The following LAMA2 variants were observed in gnomAD, a reference collection of about 807,000 sequenced individuals.
The protein encoded by LAMA2 is laminin subunit alpha 2.
Under a neutral mutation model 364.8 loss-of-function variants are expected in LAMA2, and 269 were observed. The ratio of observed to expected loss-of-function variants is 0.74; its 90% confidence interval spans 0.67 to 0.82. The LOEUF is 0.82. LAMA2 is among the 40% of genes least tolerant of loss of function. The pLI, the probability that LAMA2 is intolerant of heterozygous loss-of-function variation, is 0.00. For missense variants in LAMA2, 3,807 were observed against 3,873.2 expected (o/e 0.98, Z 0.45); for synonymous variants, 1,379 against 1,370.6 (o/e 1.01, Z -0.14).
intron 1 of LAMA2, among the ~76,000 whole-genome samples, chr6:129,031,388 G>C (rs1786208696): frequency 6.6e-6 from 1 of 152,100 alleles, no homozygotes; most frequent in African/African-American, 2.4e-5. Flanking sequence ...AGAAATTCCA[G>C]AAGCTGGGGG....
Position 129,005,915 on chromosome 6 carries a change from G to A in LAMA2, c.113-44003G>A, listed in dbSNP as rs372789002. ...CTACCTATAAACTTCAGCATTTTTTGTTTGGGTAATTAATATTTTGAAGTT... is the reference window on the plus strand; with the variant it reads ...CTACCTATAAACTTCAGCATTTTTTATTTGGGTAATTAATATTTTGAAGTT... On this transcript the variant is annotated intron_variant, in intron 1 of 64. Transcript: ENST00000421865. Among the ~76,000 whole-genome samples, 6 of 151,168 alleles carry A rather than the reference G, an allele frequency of 4.0e-5. No homozygotes were observed. In the East Asian group the frequency reaches 5.8e-4, roughly 15 times the overall value.
chr6:129,275,688 G>A (rs543917647), intron 17 of LAMA2, among the ~76,000 whole-genome samples: 41 of 145,792 alleles, frequency 2.8e-4, no homozygotes, highest in African/African-American at 8.7e-4. Flanking sequence ...TACCTTTCAC[G>A]TTAAATCAAC....
intron 12 of LAMA2, among the ~76,000 whole-genome samples, chr6:129,201,705 A>G (rs1449347076): frequency 6.6e-6 from 1 of 152,202 alleles, no homozygotes; most frequent in Non-Finnish European, 1.5e-5. Flanking sequence ...TCAACAATGT[A>G]AAATTCATGA....
At chr6:129,169,699 C>T (rs1221059816) in intron 9 of LAMA2, among the ~76,000 whole-genome samples, 4 of 138,230 alleles carry the variant, frequency 2.9e-5, no homozygotes, top group Admixed American at 1.4e-4. Context: ...GGAGGATTCC[C>T]TCTTTTTCTA....
At chr6:129,490,587 A>G (rs1784810912) in intron 56 of LAMA2, 1 of 152,210 alleles carries the variant, frequency 6.6e-6, no homozygotes, top group African/African-American at 2.4e-5. Context: ...GCCCTGTGAT[A>G]TCATGTTGCT....
chr6:129,103,689 A>G (rs1376131221), intron 4 of LAMA2, among the ~76,000 whole-genome samples: 1 of 152,184 alleles, frequency 6.6e-6, no homozygotes. Flanking sequence ...CCAATACTAC[A>G]GAGGAAACAG....
chr6:129,151,319 T>C (rs779755619), intron 7 of LAMA2, among the ~76,000 whole-genome samples: 2 of 152,222 alleles, frequency 1.3e-5, no homozygotes, highest in Non-Finnish European at 2.9e-5. Flanking sequence ...TATGTTACTT[T>C]ATGTTTTCCT....
At chr6:129,244,833 C>T (rs758299263) in intron 12 of LAMA2, among the ~76,000 whole-genome samples, 14 of 152,136 alleles carry the variant, frequency 9.2e-5, no homozygotes, top group Non-Finnish European at 1.9e-4. Flanking sequence ...GGAAAACTTT[C>T]CTGCCTCATT....
At chr6:129,400,091 G>C (rs1779883670) in intron 37 of LAMA2, among the ~76,000 whole-genome samples, 2 of 152,196 alleles carry the variant, frequency 1.3e-5, no homozygotes, top group Admixed American at 1.3e-4. Context: ...GGCAGATTTG[G>C]TGTCTGATGA....
intron 40 of LAMA2, among the ~76,000 whole-genome samples, chr6:129,422,453 TCATC>T (rs1453141128): frequency 6.6e-6 from 1 of 152,078 alleles, no homozygotes; most frequent in African/African-American, 2.4e-5. Context: ...ACATTGATAA[TCATC>T]CAGCCAGACT....
chr6:129,392,978 A>G, intron 36 of LAMA2, 67 bp from the exon 37 acceptor site: 1 of 1,228,846 alleles, frequency 8.1e-7, no homozygotes, highest in Non-Finnish European at 1.2e-6. Flanking sequence ...AACATGGTTT[A>G]ATACCAATAA....
At chr6:129,183,938 C>T (rs1418348289) in intron 10 of LAMA2, among the ~76,000 whole-genome samples, 2 of 151,846 alleles carry the variant, frequency 1.3e-5, no homozygotes, top group East Asian at 1.9e-4. Context: ...TCTCGTGAAG[C>T]TTTGACAGTC....
At chr6:129,271,739 A>G (rs1290519078) in intron 17 of LAMA2, among the ~76,000 whole-genome samples, 2 of 152,152 alleles carry the variant, frequency 1.3e-5, no homozygotes, top group African/African-American at 2.4e-5. Flanking sequence ...CGTATTGTAC[A>G]CTTTCCAGCT....
chr6:129,354,847 A>C (rs746496046), intron 32 of LAMA2, among the ~76,000 whole-genome samples: 10 of 152,168 alleles, frequency 6.6e-5, no homozygotes, highest in Non-Finnish European at 1.5e-4. Flanking sequence ...TAACATTTTG[A>C]ATACATTTAT....
At chr6:128,915,375 G>A (rs1314075143) in intron 1 of LAMA2, among the ~76,000 whole-genome samples, 3 of 152,154 alleles carry the variant, frequency 2.0e-5, no homozygotes, top group Non-Finnish European at 1.5e-5. Context: ...CTTGGAAGAG[G>A]TGTGGGAGAA....
At chr6:129,133,854 A>G (rs1777633683) in intron 4 of LAMA2, among the ~76,000 whole-genome samples, 1 of 152,084 alleles carries the variant, frequency 6.6e-6, no homozygotes, top group Admixed American at 6.5e-5. Flanking sequence ...ACACACACAC[A>G]CAGAGACAAT....
intron 9 of LAMA2, among the ~76,000 whole-genome samples, chr6:129,173,370 C>T (rs1406511029): frequency 1.3e-5 from 2 of 152,136 alleles, no homozygotes; most frequent in Non-Finnish European, 2.9e-5. Context: ...TTATGTGTTT[C>T]TTCTACGATA....
intron 29 of LAMA2, among the ~76,000 whole-genome samples, chr6:129,329,002 TTA>T (rs980353727): frequency 1.3e-5 from 2 of 152,202 alleles, no homozygotes; most frequent in Non-Finnish European, 2.9e-5. Flanking sequence ...TCTTATTTTT[TTA>T]TGTTTCTGCT....
At chr6:129,153,288 A>G (rs1193286973) in intron 7 of LAMA2, among the ~76,000 whole-genome samples, 7 of 152,172 alleles carry the variant, frequency 4.6e-5, no homozygotes, top group African/African-American at 1.4e-4. Context: ...AAATATCCCA[A>G]TCTAGTAATT....
Sources: allele counts gnomAD v4.1 joint callset (sites outside exome capture counted in the v4.1 genomes callset), GRCh38; gene constraint gnomAD v4.1.1; transcripts MANE v1.5; gene names NCBI Gene and HGNC (gene_info 2026-07-23, HGNC 2026-07-21).